Variants in NUFIP1 observed in about 807,000 individuals in gnomAD.
The protein encoded by NUFIP1 is FMR1-interacting protein NUFIP1.
In NUFIP1, 38 loss-of-function variants were observed where a neutral mutation model predicts 56.2. That is an observed-to-expected ratio of 0.68 (90% CI 0.52 to 0.89). NUFIP1 has a LOEUF of 0.89. Ranked by LOEUF, NUFIP1 falls within the 40% of genes least tolerant of loss-of-function variation. The pLI, the probability that NUFIP1 is intolerant of heterozygous loss-of-function variation, is 0.00. For synonymous variants in NUFIP1, 215 were observed against 212.4 expected (o/e 1.01, Z -0.10); for missense variants, 567 against 605.8 (o/e 0.94, Z 0.67).
In NUFIP1 at chr13:44,940,647, A is replaced by G. The variant is rs1434342499; in HGVS notation, c.*559T>C. On this transcript the variant is annotated 3_prime_UTR_variant, in exon 10 of 10. Coordinates refer to ENST00000379161, the MANE Select transcript of NUFIP1 (RefSeq NM_012345.3). ...CCCCATCTGTATTAATATTTTAAAC[A>G]TTCAATATTTGAGCTATGTAAGTCG... The G allele has an allele frequency of 6.6e-6, 1 of 152,268 alleles. No individual in the cohort carries two copies. Among genetic ancestry groups the G allele is most frequent in the Non-Finnish European group, 1.5e-5 (1 of 68,054 alleles). The allele number at this position is 152,268 out of a possible 1,614,324, so 9.4% of individuals were successfully genotyped here. A position where few individuals can be genotyped will look rare whatever the true frequency, so the allele number is the denominator to read the frequency against.
Position 44,943,264 on chromosome 13 carries a change from T to G in NUFIP1, c.1371+178A>C, listed in dbSNP as rs528352064. Among the ~76,000 whole-genome samples, 16 of 152,214 alleles carry G rather than the reference T, an allele frequency of 1.1e-4. No homozygotes were observed. In the South Asian group the frequency reaches 2.9e-3, roughly 28 times the overall value. On this transcript the variant is annotated intron_variant, in intron 9 of 9. Coordinates refer to ENST00000379161, the MANE Select transcript of NUFIP1 (RefSeq NM_012345.3). ...AAAAATTACATTATTCCACATTCACTGAATATACCAGCTATATGCCAAATG... is the reference window on the plus strand; with the variant it reads ...AAAAATTACATTATTCCACATTCACGGAATATACCAGCTATATGCCAAATG...
chr13:44,942,311 G>A (rs2137888758), intron 9 of NUFIP1, among the ~76,000 whole-genome samples: 1 of 152,236 alleles, frequency 6.6e-6, no homozygotes, highest in Admixed American at 6.5e-5. Flanking sequence ...ATCACATGTA[G>A]TTTGCCAAAA....
intron 5 of NUFIP1, among the ~76,000 whole-genome samples, chr13:44,972,824 A>C (rs529854592): frequency 2.6e-5 from 4 of 152,338 alleles, no homozygotes; most frequent in African/African-American, 7.2e-5. Context: ...TTCATTTCAC[A>C]CTACAGTGAG....
At chr13:44,951,190 G>A (rs1871074438) in intron 7 of NUFIP1, among the ~76,000 whole-genome samples, 1 of 152,216 alleles carries the variant, frequency 6.6e-6, no homozygotes, top group South Asian at 2.1e-4. Flanking sequence ...AGTAGATTAA[G>A]CAGAAATCCA....
chr13:44,961,259 A>T (rs1302829032), intron 6 of NUFIP1, among the ~76,000 whole-genome samples: 1 of 152,126 alleles, frequency 6.6e-6, no homozygotes, highest in Non-Finnish European at 1.5e-5. Context: ...TTCATTTTTC[A>T]TTAATAATGG....
At chr13:44,981,922 C>CATGTTTAACATAAAACATAAAAA in intron 2 of NUFIP1, 150 bp downstream of exon 2, 1 of 294,832 alleles carries the variant, frequency 3.4e-6, no homozygotes, top group Non-Finnish European at 6.1e-6. Context: ...TTGCTATATT[C>CATGTTTAACATAAAACATAAAAA]ATGTTTAACC....
chr13:44,971,686 T>C (rs939216861), intron 5 of NUFIP1, among the ~76,000 whole-genome samples: 1 of 152,184 alleles, frequency 6.6e-6, no homozygotes, highest in Non-Finnish European at 1.5e-5. Flanking sequence ...AATTATCTCC[T>C]GGTTGGAAAT....
rs770875368 is a variant in NUFIP1 at position 44,979,899 on chromosome 13, A to T, written c.648T>A (p.His216Gln). ...FTAHEKIVQF[H>Q]WRNMHAPGMK... ...AAAAAACAGAACTTACATTTCTCCA[A>T]TGGAACTGGACAATCTTCTCGTGTG... The change falls in exon 4 of 10, where the codon CAT becomes CAA. Residue 216 changes from histidine (H) to glutamine (Q), a missense_variant. By Grantham distance (24) the His-to-Gln change is conservative (BLOSUM62 0). Coordinates refer to ENST00000379161, the MANE Select transcript of NUFIP1 (RefSeq NM_012345.3). 1.3e-5 allele frequency: 20 copies of T among 1,598,120 alleles called. No homozygotes were observed. In the South Asian group the frequency reaches 2.3e-4, roughly 18 times the overall value.
chr13:44,978,184 T>G (rs1233543182), intron 5 of NUFIP1, among the ~76,000 whole-genome samples: 1 of 152,236 alleles, frequency 6.6e-6, no homozygotes, highest in Non-Finnish European at 1.5e-5. Flanking sequence ...CTGGTCTTCC[T>G]CAGAATTACC....
intron 5 of NUFIP1, among the ~76,000 whole-genome samples, chr13:44,966,829 C>T (rs1333950491): frequency 6.6e-6 from 1 of 151,410 alleles, no homozygotes; most frequent in East Asian, 2.0e-4. Flanking sequence ...AAAAATTAGC[C>T]AAGTGTGGTG....
chr13:44,944,921 ATT>A (rs1470903162), intron 8 of NUFIP1, among the ~76,000 whole-genome samples: 1 of 152,108 alleles, frequency 6.6e-6, no homozygotes, highest in Non-Finnish European at 1.5e-5. Flanking sequence ...ATGAAGGTAC[ATT>A]TATGGCTTTC....
Position 44,982,159 on chromosome 13 carries a change from A to AG in NUFIP1, c.413-6_413-5insC. ...GTGGATAATAAGAATTTTTAACTAA[A>AG]AAAAAAAAGATCCATAAATGTTTGC... On this transcript the variant is annotated splice_region_variant and splice_polypyrimidine_tract_variant and intron_variant, in intron 1 of 9. Coordinates refer to ENST00000379161, the MANE Select transcript of NUFIP1 (RefSeq NM_012345.3). The AG allele has an allele frequency of 7.3e-7, 1 of 1,369,440 alleles. No homozygotes were observed. The highest frequency in any genetic ancestry group is 9.8e-7 in the Non-Finnish European group (1 of 1,019,120). 84.8% of individuals were successfully genotyped at this position (1,369,440 alleles called of 1,614,324 possible).
chr13:44,953,945 A>G (rs1566057567), intron 7 of NUFIP1, among the ~76,000 whole-genome samples: 1 of 152,178 alleles, frequency 6.6e-6, no homozygotes, highest in Non-Finnish European at 1.5e-5. Flanking sequence ...CATATGTAAT[A>G]ACACTTTGAA....
chr13:44,962,504 A>G (rs1044130117), intron 6 of NUFIP1, among the ~76,000 whole-genome samples: 4 of 152,264 alleles, frequency 2.6e-5, no homozygotes, highest in African/African-American at 9.6e-5. Flanking sequence ...GCACCACATA[A>G]TGACATTTTG....
intron 5 of NUFIP1, among the ~76,000 whole-genome samples, chr13:44,976,404 G>A (rs1393758463): frequency 6.6e-6 from 1 of 151,356 alleles, no homozygotes; most frequent in Admixed American, 6.6e-5. Flanking sequence ...AGGAGGAGAA[G>A]GAAGAGGAAG....
chr13:44,960,865 C>A (rs1037695363), intron 6 of NUFIP1, among the ~76,000 whole-genome samples: 2 of 151,876 alleles, frequency 1.3e-5, no homozygotes, highest in African/African-American at 4.8e-5. Flanking sequence ...GAGTTCGAAA[C>A]CATCCTGGGC....
At chr13:44,986,417 C>T (rs1170548544) in intron 1 of NUFIP1, among the ~76,000 whole-genome samples, 1 of 152,102 alleles carries the variant, frequency 6.6e-6, no homozygotes, top group Non-Finnish European at 1.5e-5. Flanking sequence ...AGGGGCCAGG[C>T]GCAGTGGCTC....
rs1872541131 is a variant in NUFIP1 at position 44,988,939 on chromosome 13, G to A, written c.412+86C>T. On this transcript the variant is annotated intron_variant, in intron 1 of 9. Coordinates refer to ENST00000379161, the MANE Select transcript of NUFIP1 (RefSeq NM_012345.3). ...ACTCCAAGAGTGCAGAGGCAAGGCA[G>A]AGTAGAGAGAGGAAGCAGAGAAAGG... The A allele has an allele frequency of 3.7e-6, 5 of 1,365,202 alleles. No homozygotes were observed. The South Asian group carries it at 3.9e-5, about 11-fold the overall frequency. 84.6% of individuals were successfully genotyped at this position (1,365,202 alleles called of 1,614,324 possible).
At chr13:44,984,574 G>A (rs1008814210) in intron 1 of NUFIP1, among the ~76,000 whole-genome samples, 1 of 152,058 alleles carries the variant, frequency 6.6e-6, no homozygotes, top group Admixed American at 6.6e-5. Flanking sequence ...CCCAGGAGGT[G>A]GAGGCTGCAG....
Sources: gnomAD v4.1 joint callset for allele counts (sites outside exome capture counted in the v4.1 genomes callset) on GRCh38, gnomAD v4.1.1 for gene constraint, MANE v1.5 for transcripts, NCBI Gene and HGNC (gene_info 2026-07-23, HGNC 2026-07-21) for gene names.